The following RCHY1 variants were observed in gnomAD, a reference collection of about 807,000 sequenced individuals.
RCHY1 encodes the protein RING finger and CHY zinc finger domain-containing protein 1.
Under a neutral mutation model 41.6 loss-of-function variants are expected in RCHY1, and 21 were observed. The observed-to-expected ratio is 0.51, with a 90% CI of 0.36 to 0.73. RCHY1 has a LOEUF of 0.73. RCHY1 is among the 30% of genes least tolerant of loss of function. The probability of loss-of-function intolerance (pLI) is 0.00; values close to 1 mark genes in which losing one functional copy is unlikely to be tolerated. For synonymous variants in RCHY1, 79 were observed against 102.9 expected (o/e 0.77, Z 1.41); for missense variants, 265 against 325.3 (o/e 0.81, Z 1.43).
At chr4:75,489,960 A>G (rs1395841516) in intron 8 of RCHY1, among the ~76,000 whole-genome samples, 1 of 152,188 alleles carries the variant, frequency 6.6e-6, no homozygotes, top group African/African-American at 2.4e-5. Flanking sequence ...GACAAAGTTA[A>G]CCAGGAAAGT....
intron 3 of RCHY1, chr4:75,494,522 T>TA: frequency 4.6e-6 from 1 of 217,474 alleles, no homozygotes; most frequent in Non-Finnish European, 8.9e-6. Flanking sequence ...CTGAGGATTT[T>TA]ATGTCTGTCT....
At position 75,508,876 on chromosome 4, in the gene RCHY1, G is replaced by A. The variant is rs752194301; in HGVS notation, c.270C>T (p.Cys90=). The change falls in exon 3 of 9, where the codon TGC becomes TGT. Residue 90 remains cysteine (C), a synonymous_variant. Transcript: ENST00000324439. ...TLFGEYYCDI[C]HLFDKDKKQY... Reference sequence around the variant, plus strand: ...GCTTCTTATCTTTGTCAAACAAATGGCATATATCGCAATAATATTCTCCAA... The same window carrying A: ...GCTTCTTATCTTTGTCAAACAAATGACATATATCGCAATAATATTCTCCAA... 1 of 1,611,402 alleles carries A rather than the reference G, an allele frequency of 6.2e-7. No homozygotes were observed. Among genetic ancestry groups the A allele is most frequent in the Non-Finnish European group, 8.5e-7 (1 of 1,178,848 alleles).
intron 1 of RCHY1, among the ~76,000 whole-genome samples, chr4:75,511,610 A>G (rs1724883577): frequency 6.6e-6 from 1 of 152,208 alleles, no homozygotes; most frequent in Non-Finnish European, 1.5e-5. Flanking sequence ...GTCATTGAAC[A>G]GCATATTAAA....
In RCHY1 at chr4:75,479,894, T is replaced by C. The variant is rs893263944; in HGVS notation, c.*2644A>G. 5.9e-5 allele frequency: 9 copies of C among 152,228 alleles called. No individual in the cohort carries two copies. The highest frequency in any genetic ancestry group is 1.4e-4 in the African/African-American group (6 of 41,462). 9.4% of individuals were successfully genotyped at this position (152,228 alleles called of 1,614,324 possible). ...AAAAGAATGAAGTTGTCTGTTAAAA[T>C]GTTAACAGTAGTTCTCTCTGAAAGA... On this transcript the variant is annotated 3_prime_UTR_variant, in exon 9 of 9. Coordinates refer to ENST00000324439, the MANE Select transcript of RCHY1 (RefSeq NM_015436.4).
intron 3 of RCHY1, among the ~76,000 whole-genome samples, chr4:75,503,100 C>A (rs565997541): frequency 6.6e-6 from 1 of 152,278 alleles, no homozygotes; most frequent in East Asian, 1.9e-4. Flanking sequence ...TACTTTGTAG[C>A]AGGAAAGCGT....
At position 75,496,553 on chromosome 4, in the gene RCHY1, A is replaced by G. The variant is rs111458716; in HGVS notation, c.327-2374T>C. ...AGAACAGTACTACTCACACATGGCT[A>G]GGAACAGTGCCTGATCCCATCAAAC... On this transcript the variant is annotated intron_variant, in intron 3 of 8. Coordinates refer to ENST00000324439, the MANE Select transcript of RCHY1 (RefSeq NM_015436.4). Among the ~76,000 whole-genome samples the G allele has an allele frequency of 5.7e-3, 868 of 152,272 alleles. 9 individuals carry two copies. The highest frequency in any genetic ancestry group is 0.02 in the African/African-American group (819 of 41,576).
At chr4:75,491,362 GA>G in intron 7 of RCHY1, 9 of 359,684 alleles carry the variant, frequency 2.5e-5, no homozygotes, top group South Asian at 5.8e-5. Flanking sequence ...TATATGGCCA[GA>G]AAAAAAAGAG....
In RCHY1 at chr4:75,481,603, C is replaced by T. The variant is rs1268725071; in HGVS notation, c.*935G>A. The T allele has an allele frequency of 6.6e-6, 1 of 152,148 alleles. No individual in the cohort carries two copies. The highest frequency in any genetic ancestry group is 1.5e-5 in the Non-Finnish European group (1 of 68,026). The allele number at this position is 152,148 out of a possible 1,614,324, so 9.4% of individuals were successfully genotyped here. A position where few individuals can be genotyped will look rare whatever the true frequency, so the allele number is the denominator to read the frequency against. On this transcript the variant is annotated 3_prime_UTR_variant, in exon 9 of 9. Coordinates refer to ENST00000324439, the MANE Select transcript of RCHY1 (RefSeq NM_015436.4). ...AATATTCTATTCATTTACAATAAGA[C>T]ATCCACTCCTTGCATAAAGAAAAAT...
chr4:75,495,586 A>G (rs990566072), intron 3 of RCHY1, among the ~76,000 whole-genome samples: 1 of 152,094 alleles, frequency 6.6e-6, no homozygotes, highest in Non-Finnish European at 1.5e-5. Flanking sequence ...TCTACAGACC[A>G]GAATATGAGG....
chr4:75,500,678 A>C (rs953839302), intron 3 of RCHY1, among the ~76,000 whole-genome samples: 3 of 152,190 alleles, frequency 2.0e-5, no homozygotes, highest in Admixed American at 6.5e-5. Flanking sequence ...TCTTAGATGA[A>C]GCAATAGGGT....
Position 75,482,014 on chromosome 4 carries a change from A to G in RCHY1, c.*524T>C, listed in dbSNP as rs1280574713. On this transcript the variant is annotated 3_prime_UTR_variant, in exon 9 of 9. Transcript: ENST00000324439. ...AAAAACTTTCTATAAAACAGTTTCA[A>G]TATAATTTTATTAGCAGTTATTACA... The G allele has an allele frequency of 6.7e-6, 1 of 149,116 alleles. No individual in the cohort carries two copies. Among genetic ancestry groups the G allele is most frequent in the African/African-American group, 2.5e-5 (1 of 40,238 alleles). The allele number at this position is 149,116 out of a possible 1,614,324, so 9.2% of individuals were successfully genotyped here.
At chr4:75,487,717 CATAT>C (rs372107342) in intron 8 of RCHY1, among the ~76,000 whole-genome samples, 1 of 46,576 alleles carries the variant, frequency 2.1e-5, no homozygotes, top group Non-Finnish European at 3.5e-5. Flanking sequence ...AATATATATT[CATAT>C]ATATATTCAT....
intron 8 of RCHY1, among the ~76,000 whole-genome samples, chr4:75,486,873 G>A (rs1354440566): frequency 6.6e-6 from 1 of 152,056 alleles, no homozygotes; most frequent in Non-Finnish European, 1.5e-5. Context: ...CAGCTACTCG[G>A]GAGGCTGAGG....
chr4:75,496,515 C>T (rs1723224305), intron 3 of RCHY1, among the ~76,000 whole-genome samples: 1 of 152,058 alleles, frequency 6.6e-6, no homozygotes, highest in Admixed American at 6.6e-5. Context: ...GGGAAACAAC[C>T]TTCTAAAGAA....
rs562668381 is a variant in RCHY1 at position 75,490,938 on chromosome 4, A to G, written c.537-237T>C. 5 of 351,700 alleles carry G rather than the reference A, an allele frequency of 1.4e-5. No homozygotes were observed. The East Asian group carries it at 2.5e-4, about 17-fold the overall frequency. The allele number at this position is 351,700 out of a possible 1,614,324, so 21.8% of individuals were successfully genotyped here. A position where few individuals can be genotyped will look rare whatever the true frequency, so the allele number is the denominator to read the frequency against. ...CAGTACTCTAAAATGGAGAGGAATT[A>G]GTCCATATTCTTTGTAGAATACACT... is the stretch of plus-strand genomic sequence containing the variant. On this transcript the variant is annotated intron_variant, in intron 7 of 8. Transcript: ENST00000324439.
chr4:75,501,256 G>A (rs933893988), intron 3 of RCHY1, among the ~76,000 whole-genome samples: 9 of 152,128 alleles, frequency 5.9e-5, no homozygotes, highest in East Asian at 1.9e-4. Context: ...TGATCTGCCC[G>A]CCTTGGCCTC....
rs942916368 is a variant in RCHY1, at chr4:75,479,794, G to A, written c.*2744C>T. The A allele has an allele frequency of 6.6e-6, 1 of 151,816 alleles. No individual in the cohort carries two copies. Among genetic ancestry groups the A allele is most frequent in the Admixed American group, 6.6e-5 (1 of 15,246 alleles). The allele number at this position is 151,816 out of a possible 1,614,324, so 9.4% of individuals were successfully genotyped here. ...GGCAGGGCAACCTAACTTATTTCAG[G>A]GACAGATAATTCTAGTGTACTTAAG... is the stretch of plus-strand genomic sequence containing the variant. On this transcript the variant is annotated 3_prime_UTR_variant, in exon 9 of 9. Coordinates refer to ENST00000324439, the MANE Select transcript of RCHY1 (RefSeq NM_015436.4).
chr4:75,494,618 A>G (rs186803665), intron 3 of RCHY1, among the ~76,000 whole-genome samples: 12 of 152,022 alleles, frequency 7.9e-5, no homozygotes, highest in Admixed American at 7.9e-4. Context: ...CAGAAAGATC[A>G]TAATTTATGA....
At chr4:75,487,556 TATATTCATA>T (rs1327127039) in intron 8 of RCHY1, among the ~76,000 whole-genome samples, 3 of 107,224 alleles carry the variant, frequency 2.8e-5, no homozygotes, top group Non-Finnish European at 5.1e-5. Context: ...ATATTCATAA[TATATTCATA>T]ATATATATAT....
Sources: gnomAD v4.1 joint callset for allele counts (sites outside exome capture counted in the v4.1 genomes callset) on GRCh38, gnomAD v4.1.1 for gene constraint, MANE v1.5 for transcripts, NCBI Gene and HGNC (gene_info 2026-07-23, HGNC 2026-07-21) for gene names.